The following CTNNA3 variants were observed in gnomAD, a reference collection of about 807,000 sequenced individuals.
The protein encoded by CTNNA3 is catenin alpha 3.
A neutral mutation model predicts 95.7 loss-of-function variants in CTNNA3; 76 were observed. The ratio of observed to expected loss-of-function variants is 0.79; its 90% CI spans 0.66 to 0.96. CTNNA3 has a LOEUF of 0.96. Ranked by LOEUF, CTNNA3 falls within the 40% of genes least tolerant of loss-of-function variation. The probability of loss-of-function intolerance (pLI) is 0.00; values close to 1 mark genes in which losing one functional copy is unlikely to be tolerated. For synonymous variants in CTNNA3, 431 were observed against 374.4 expected (o/e 1.15, Z -1.74); for missense variants, 1,191 against 1,089.8 (o/e 1.09, Z -1.31).
intron 5 of CTNNA3, among the ~76,000 whole-genome samples, chr10:67,249,740 G>A (rs1589085173): frequency 6.6e-6 from 1 of 152,208 alleles, no homozygotes; most frequent in East Asian, 1.9e-4. Context: ...GTGCAAGGCA[G>A]GAACCAACCC....
intron 7 of CTNNA3, among the ~76,000 whole-genome samples, chr10:66,886,313 A>G (rs537981342): frequency 1.3e-5 from 2 of 152,204 alleles, no homozygotes; most frequent in East Asian, 1.9e-4. Flanking sequence ...AGGATAGACT[A>G]AAGAAGCTCT....
intron 13 of CTNNA3, among the ~76,000 whole-genome samples, chr10:66,138,773 C>T (rs559606755): frequency 6.6e-6 from 1 of 152,226 alleles, no homozygotes; most frequent in South Asian, 2.1e-4. Flanking sequence ...GCAGAAGAAT[C>T]GCTTGAACCC....
intron 5 of CTNNA3, among the ~76,000 whole-genome samples, chr10:67,236,761 T>C (rs1251681034): frequency 2.7e-5 from 4 of 150,744 alleles, no homozygotes; most frequent in Admixed American, 1.3e-4. Flanking sequence ...GAAATGCAAA[T>C]CAAAACTACA....
intron 2 of CTNNA3, among the ~76,000 whole-genome samples, chr10:67,635,998 T>C (rs1287959093): frequency 1.3e-5 from 2 of 152,126 alleles, no homozygotes; most frequent in Non-Finnish European, 2.9e-5. Context: ...CGTGCAAAAA[T>C]TGCTAGCATT....
chr10:67,527,014 T>C (rs60442233), intron 4 of CTNNA3, among the ~76,000 whole-genome samples: 1 of 152,190 alleles, frequency 6.6e-6, no homozygotes, highest in South Asian at 2.1e-4. Context: ...CTCAGCACTT[T>C]GGGAGGCCGA....
intron 10 of CTNNA3, among the ~76,000 whole-genome samples, chr10:66,566,775 CCCAAGCTGAGATT>C (rs949111872): frequency 3.6e-4 from 55 of 151,964 alleles, no homozygotes; most frequent in African/African-American, 1.3e-3. Context: ...GAATTTCTTT[CCCAAGCTGAGATT>C]TGAAATAAAC....
At chr10:66,608,869 A>C (rs1245405487) in intron 10 of CTNNA3, among the ~76,000 whole-genome samples, 4 of 152,168 alleles carry the variant, frequency 2.6e-5, no homozygotes, top group Non-Finnish European at 5.9e-5. Context: ...CATGTTGGAC[A>C]CAGGAATGGG....
chr10:66,962,266 C>G (rs1257708325), intron 7 of CTNNA3, among the ~76,000 whole-genome samples: 1 of 152,138 alleles, frequency 6.6e-6, no homozygotes, highest in Admixed American at 6.5e-5. Context: ...GACCTTATCA[C>G]CCACTAGCCT....
chr10:65,995,475 C>A (rs965695966), intron 15 of CTNNA3, among the ~76,000 whole-genome samples: 2 of 151,766 alleles, frequency 1.3e-5, no homozygotes, highest in African/African-American at 4.8e-5. Flanking sequence ...TTAGTGCAGG[C>A]TGTGGTAAGG....
At position 66,775,536 on chromosome 10, in the gene CTNNA3, A is replaced by T; in HGVS notation, c.1048-12T>A. 7.6e-6 allele frequency: 12 copies of T among 1,576,426 alleles called. No individual in the cohort carries two copies. The highest frequency in any genetic ancestry group is 1.0e-5 in the Non-Finnish European group (12 of 1,152,022). ...TCTTTTTTTCCAGCCTGCAAAGAAG[A>T]AAAAACGACATAAGCAATGGTATCA... On this transcript the variant is annotated splice_polypyrimidine_tract_variant and intron_variant, in intron 7 of 17. Transcript: ENST00000433211.
chr10:66,778,871 G>A (rs920235897), intron 7 of CTNNA3, among the ~76,000 whole-genome samples: 4 of 152,066 alleles, frequency 2.6e-5, no homozygotes, highest in Non-Finnish European at 4.4e-5. Context: ...AACTACTTGC[G>A]AGGCTAAGGC....
At chr10:67,308,692 A>T (rs1222113032) in intron 5 of CTNNA3, among the ~76,000 whole-genome samples, 1 of 152,208 alleles carries the variant, frequency 6.6e-6, no homozygotes, top group Non-Finnish European at 1.5e-5. Context: ...CAAAGGAAAG[A>T]AAGAATTCTA....
At chr10:67,506,953 T>C (rs953443712) in intron 5 of CTNNA3, among the ~76,000 whole-genome samples, 1 of 152,210 alleles carries the variant, frequency 6.6e-6, no homozygotes, top group African/African-American at 2.4e-5. Context: ...ATTTTTACTC[T>C]TCTTCAGCTC....
intron 5 of CTNNA3, among the ~76,000 whole-genome samples, chr10:67,491,446 C>A (rs1405249431): frequency 6.6e-6 from 1 of 152,118 alleles, no homozygotes. Flanking sequence ...TTTCGAAACA[C>A]CATAAAGTAG....
intron 10 of CTNNA3, among the ~76,000 whole-genome samples, chr10:66,618,972 A>G (rs537842324): frequency 6.4e-4 from 98 of 152,322 alleles, no homozygotes; most frequent in Middle Eastern, 3.4e-3. Context: ...GCTCATCATC[A>G]CTGGCCATCA....
At chr10:66,354,081 G>C (rs1342805631) in intron 12 of CTNNA3, among the ~76,000 whole-genome samples, 2 of 151,962 alleles carry the variant, frequency 1.3e-5, no homozygotes, top group East Asian at 1.9e-4. Context: ...TCAGGAGGTC[G>C]AGACCAGCCT....
intron 15 of CTNNA3, among the ~76,000 whole-genome samples, chr10:66,064,333 G>A (rs561161024): frequency 2.6e-5 from 4 of 152,242 alleles, no homozygotes; most frequent in South Asian, 2.1e-4. Context: ...GATAAGATCC[G>A]GATGGGGACA....
At chr10:67,668,246 CTACT>C (rs3997596) in intron 1 of CTNNA3, among the ~76,000 whole-genome samples, 32,843 of 151,780 alleles carry the variant, frequency 0.22, 6,954 homozygotes, top group African/African-American at 0.56. Context: ...TGAATAGATA[CTACT>C]TACTTAAAAT....
rs187413775 is a variant in CTNNA3 at position 67,693,167 on chromosome 10, G to A, written c.-6+2833C>T. 2.2e-4 allele frequency among the ~76,000 whole-genome samples: 34 copies of A among 152,234 alleles called. 1 individual carries two copies. Among genetic ancestry groups the A allele is most frequent in the Admixed American group, 1.0e-3 (16 of 15,288 alleles). ...GCTGAATCCCAGGCAAAAATAATGT[G>A]GTTAAAAACAGTATTTAAGCATGTG... On this transcript the variant is annotated intron_variant, in intron 1 of 17. Transcript: ENST00000433211.
Sources: gnomAD v4.1 joint callset for allele counts (sites outside exome capture counted in the v4.1 genomes callset) on GRCh38, gnomAD v4.1.1 for gene constraint, MANE v1.5 for transcripts, NCBI Gene and HGNC (gene_info 2026-07-23, HGNC 2026-07-21) for gene names.